Variants in SUPT6H observed in about 807,000 individuals in gnomAD.
SUPT6H encodes the protein SPT6 homolog, histone chaperone and transcription elongation factor, also known as transcription elongation factor SPT6.
In SUPT6H, 11 loss-of-function variants were observed where a neutral mutation model predicts 222.3. That is an observed-to-expected ratio of 0.05 (90% CI 0.03 to 0.08). The LOEUF (loss-of-function observed/expected upper bound fraction) is 0.08. SUPT6H is among the 10% of genes least tolerant of loss of function. SUPT6H has a pLI of 1.00. For missense variants in SUPT6H, 1,422 were observed against 2,216.0 expected, an observed-to-expected ratio of 0.64 and a Z score of 7.19; for synonymous variants, 762 against 801.2, an observed-to-expected ratio of 0.95 and a Z score of 0.83.
chr17:28,697,208 G>C (rs188771956), intron 30 of SUPT6H, 126 bp downstream of exon 30: 7 of 743,776 alleles, frequency 9.4e-6, no homozygotes, highest in Admixed American at 4.9e-5. Context: ...GCAACAAAAC[G>C]GGAGGTGGTT....
At chr17:28,667,411 A>G (rs1417018416) in intron 1 of SUPT6H, among the ~76,000 whole-genome samples, 6 of 106,692 alleles carry the variant, frequency 5.6e-5, no homozygotes, top group African/African-American at 2.3e-4. Flanking sequence ...GTGTGTATAT[A>G]TATATATATA....
chr17:28,692,512 T>C (rs752329607), intron 27 of SUPT6H, among the ~76,000 whole-genome samples: 1 of 143,992 alleles, frequency 6.9e-6, no homozygotes, highest in Non-Finnish European at 1.5e-5. Flanking sequence ...GAGACTCCTA[T>C]CTCAAAAAAA....
At chr17:28,700,678 T>A in intron 35 of SUPT6H, 166 bp downstream of exon 35, 1 of 1,050,464 alleles carries the variant, frequency 9.5e-7, no homozygotes, top group Non-Finnish European at 1.3e-6. Flanking sequence ...GGGAAGAGGG[T>A]AAGAGAGGGC....
At chr17:28,689,229 CTGTATAG>C in intron 24 of SUPT6H, 118 bp from the exon 25 acceptor site, 1 of 784,796 alleles carries the variant, frequency 1.3e-6, no homozygotes, top group Non-Finnish European at 2.1e-6. Flanking sequence ...TTGTTAATGG[CTGTATAG>C]TATTCCATTG....
chr17:28,686,700 C>G lies in SUPT6H; in HGVS notation c.2611C>G (p.Leu871Val), dbSNP rs2031398509. The stretch of plus-strand genomic sequence containing the variant: ...AGATGTGAAGCGCATTGTACATGAG[C>G]TGGACCAGGGCCAGCAGCTGTCATC... ...IEDVKRIVHE[L>V]DQGQQLSSIG... The change falls in exon 21 of 37, where the codon CTG becomes GTG. Residue 871 changes from leucine to valine, a missense_variant. Transcript: ENST00000314616. 3.1e-6 allele frequency: 5 copies of G among 1,611,654 alleles called. No homozygotes were observed. The highest frequency in any genetic ancestry group is 4.2e-6 in the Non-Finnish European group (5 of 1,179,240).
At chr17:28,675,738 C>T (rs1391340364) in intron 6 of SUPT6H, among the ~76,000 whole-genome samples, 3 of 152,230 alleles carry the variant, frequency 2.0e-5, no homozygotes, top group Non-Finnish European at 4.4e-5. Flanking sequence ...ATTCCTCTTC[C>T]GCCTACAGCT....
In SUPT6H at chr17:28,686,693, A is replaced by T. The variant is rs1209431526; in HGVS notation, c.2604A>T (p.Val868=). The T allele has an allele frequency of 6.2e-7, 1 of 1,610,122 alleles. No individual in the cohort carries two copies. Among genetic ancestry groups the T allele is most frequent in the East Asian group, 2.2e-5 (1 of 44,858 alleles). The change falls in exon 21 of 37, where the codon GTA becomes GTT. Residue 868 remains valine, a synonymous_variant. Coordinates refer to ENST00000314616, the MANE Select transcript of SUPT6H (RefSeq NM_003170.5). ...TGATTGAAGATGTGAAGCGCATTGT[A>T]CATGAGCTGGACCAGGGCCAGCAGC... The part of the protein sequence containing the change: ...QMLIEDVKRI[V]HELDQGQQLS...
intron 1 of SUPT6H, among the ~76,000 whole-genome samples, chr17:28,667,394 A>AAGT (rs1555546879): frequency 1.9e-4 from 11 of 59,340 alleles, no homozygotes; most frequent in African/African-American, 5.3e-4. Context: ...AAAAAAAAAA[A>AAGT]GTGTGTGTGT....
chr17:28,678,138 C>T lies in SUPT6H; in HGVS notation c.1062C>T (p.Ser354=), dbSNP rs1458774907. The T allele has an allele frequency of 5.0e-6, 8 of 1,610,134 alleles. No individual in the cohort carries two copies. The highest frequency in any genetic ancestry group is 5.9e-6 in the Non-Finnish European group (7 of 1,179,036). The change falls in exon 9 of 37, where the codon AGC becomes AGT. Residue 354 remains serine, a synonymous_variant. Transcript: ENST00000314616. ...GCAGCTTCAGTCGGAAAGGGCCCAG[C>T]ACAATTCAGAAGATCAAAGAGGCCC... ...PASSFSRKGP[S]TIQKIKEALG...
intron 15 of SUPT6H, 84 bp from the exon 16 acceptor site, chr17:28,683,184 G>A (rs1176451015): frequency 3.2e-6 from 5 of 1,575,714 alleles, no homozygotes; most frequent in African/African-American, 1.4e-5. Context: ...TGAGCTGTGT[G>A]TCTGAAAGCA....
chr17:28,674,121 C>CT (rs1420952549), intron 2 of SUPT6H, among the ~76,000 whole-genome samples, 162 bp from the exon 3 acceptor site: 1 of 152,144 alleles, frequency 6.6e-6, no homozygotes, highest in Non-Finnish European at 1.5e-5. Context: ...TGCTGCTACT[C>CT]TAAGTCAATG....
chr17:28,688,014 G>C lies in SUPT6H; in HGVS notation c.3007-77G>C, dbSNP rs1011219619. 2.7e-6 allele frequency: 4 copies of C among 1,460,866 alleles called. No homozygotes were observed. The highest frequency in any genetic ancestry group is 3.6e-6 in the Non-Finnish European group (4 of 1,100,964). The allele number at this position is 1,460,866 out of a possible 1,614,324, so 90.5% of individuals were successfully genotyped here. On this transcript the variant is annotated intron_variant, in intron 23 of 36. Coordinates refer to ENST00000314616, the MANE Select transcript of SUPT6H (RefSeq NM_003170.5). This position sits in a 1 kb window ranked among gnomAD's most constrained non-coding sequence, Gnocchi z 4.3. ...GGTGGGACAGAGTTTTTGTTATGAG[G>C]GTTTAATAGAGACTGGAACAGTCTG...
chr17:28,691,373 A>G, intron 27 of SUPT6H: 1 of 271,976 alleles, frequency 3.7e-6, no homozygotes, highest in East Asian at 7.7e-5. Flanking sequence ...TAAAAATACA[A>G]AAATTAGCCA....
At position 28,674,518 on chromosome 17, in the gene SUPT6H, C is replaced by T; in HGVS notation, c.269-19C>T. The T allele has an allele frequency of 6.2e-7, 1 of 1,614,144 alleles. No homozygotes were observed. Among genetic ancestry groups the T allele is most frequent in the South Asian group, 1.1e-5 (1 of 91,080 alleles). On this transcript the variant is annotated intron_variant, in intron 3 of 36. Transcript: ENST00000314616. ...AAAAGGGCAACCCCATCACCATGGG[C>T]AACACTTTGTTTCTTCAGCCTCTTT...
At position 28,683,353 on chromosome 17, in the gene SUPT6H, A is replaced by G; in HGVS notation, c.1964A>G (p.Lys655Arg). 1 of 1,614,212 alleles carries G rather than the reference A, an allele frequency of 6.2e-7. No individual in the cohort carries two copies. Among genetic ancestry groups the G allele is most frequent in the African/African-American group, 1.3e-5 (1 of 75,054 alleles). Residue 655 changes from lysine (K) to arginine (R), a missense_variant, in exon 16 of 37, where the codon AAG (lysine) becomes AGG (arginine). This residue lies in a region of SUPT6H where 121 missense variants were observed against 158.0 expected (regional missense o/e 0.77). Transcript: ENST00000314616. The stretch of plus-strand genomic sequence containing the variant: ...GAACTGAGAGATGACCAGTTTCTCA[A>G]GATATGCCTGGCTGAAGACGAAGGG... ...VKELRDDQFLKICLAEDEGLL... is the reference protein window; with the variant it reads ...VKELRDDQFLRICLAEDEGLL...
At chr17:28,674,819 C>T (rs2030641967) in intron 4 of SUPT6H, 151 bp from the exon 5 acceptor site, 1 of 1,073,068 alleles carries the variant, frequency 9.3e-7, no homozygotes, top group Non-Finnish European at 1.3e-6. Flanking sequence ...CAAGGATGGG[C>T]TTTGAGGCTA....
rs1567699505 is a variant in SUPT6H, at chr17:28,689,438, C to T, written c.3219C>T (p.Ala1073=). The T allele has an allele frequency of 6.2e-7, 1 of 1,614,070 alleles. No homozygotes were observed. Among genetic ancestry groups the T allele is most frequent in the Non-Finnish European group, 8.5e-7 (1 of 1,180,050 alleles). ...GGGCTAGGAAGATGGCAGTGGATGC[C>T]CTGGAATACGATGAATCAGCCGAGG... ...YEWARKMAVD[A]LEYDESAEDA... is the part of the protein sequence containing the mutation. The change falls in exon 25 of 37, where the codon GCC becomes GCT. Residue 1073 remains alanine (A), a synonymous_variant. Coordinates refer to ENST00000314616, the MANE Select transcript of SUPT6H (RefSeq NM_003170.5).
At chr17:28,676,577 G>T in intron 7 of SUPT6H, 147 bp downstream of exon 7, 1 of 1,266,446 alleles carries the variant, frequency 7.9e-7, no homozygotes, top group African/African-American at 1.5e-5. Context: ...TCTTAGAGAA[G>T]GGAAGATAGA....
Position 28,682,870 on chromosome 17 carries a change from A to G in SUPT6H, c.1727+14A>G. The G allele has an allele frequency of 2.5e-6, 4 of 1,614,144 alleles. No homozygotes were observed. The highest frequency in any genetic ancestry group is 1.3e-5 in the African/African-American group (1 of 75,054). On this transcript the variant is annotated intron_variant, in intron 14 of 36. Coordinates refer to ENST00000314616, the MANE Select transcript of SUPT6H (RefSeq NM_003170.5). Reference sequence around the variant, plus strand: ...TTACGTTTGCAGGTAGGCATGCAGCAGGTGGCTGACAGGAGGAGGGGCCTG... The same window carrying G: ...TTACGTTTGCAGGTAGGCATGCAGCGGGTGGCTGACAGGAGGAGGGGCCTG...
Sources: gnomAD v4.1 joint callset for allele counts (sites outside exome capture counted in the v4.1 genomes callset) on GRCh38, gnomAD v4.1.1 for gene constraint, gnomAD v4.1.1 regional missense constraint, Gnocchi (gnomAD v3.1) non-coding constraint, MANE v1.5 for transcripts, NCBI Gene and HGNC (gene_info 2026-07-23, HGNC 2026-07-21) for gene names.